Variants in ETV6 observed in about 807,000 individuals in gnomAD.
ETV6 encodes transcription factor ETV6.
Under a neutral mutation model 51.1 loss-of-function variants are expected in ETV6, and 16 were observed. That is an observed-to-expected ratio of 0.31 (90% confidence interval 0.21 to 0.48). The LOEUF (loss-of-function observed/expected upper bound fraction) is 0.48. ETV6 is among the 20% of genes least tolerant of loss of function. ETV6 has a pLI of 0.99. For synonymous variants in ETV6, 240 were observed against 224.1 expected, an observed-to-expected ratio of 1.07 and a Z score of -0.64; for missense variants, 458 against 594.8, an observed-to-expected ratio of 0.77 and a Z score of 2.39.
At chr12:11,792,649 T>A in intron 2 of ETV6, among the ~76,000 whole-genome samples, 1 of 150,928 alleles carries the variant, frequency 6.6e-6, no homozygotes, top group East Asian at 1.9e-4. Flanking sequence ...ATTGTGCCAC[T>A]GCACTTCAGC....
rs1946585961 is a variant in ETV6 at position 11,853,422 on chromosome 12, T to C, written c.329-5T>C. 6.2e-7 allele frequency: 1 copy of C among 1,614,062 alleles called. No individual in the cohort carries two copies. The highest frequency in any genetic ancestry group is 8.5e-7 in the Non-Finnish European group (1 of 1,180,008). On this transcript the variant is annotated splice_polypyrimidine_tract_variant and splice_region_variant and intron_variant, in intron 3 of 7. Coordinates refer to ENST00000396373, the MANE Select transcript of ETV6 (RefSeq NM_001987.5). Reference sequence around the variant, plus strand: ...TCTCGATTTCCCTTTCCTTTTTCTTTCCAGGTGATGTGCTCTATGAACTCC... The same window carrying C: ...TCTCGATTTCCCTTTCCTTTTTCTTCCCAGGTGATGTGCTCTATGAACTCC...
chr12:11,771,844 T>A (rs529569839), intron 2 of ETV6, among the ~76,000 whole-genome samples: 1 of 152,324 alleles, frequency 6.6e-6, no homozygotes, highest in African/African-American at 2.4e-5. Context: ...AGCAAAGAAC[T>A]ATATTGCAGT....
chr12:11,790,767 T>A (rs1591675660), intron 2 of ETV6, among the ~76,000 whole-genome samples: 1 of 146,100 alleles, frequency 6.8e-6, no homozygotes, highest in Non-Finnish European at 1.5e-5. Flanking sequence ...AACCTTCACC[T>A]CCTGGATTCA....
intron 2 of ETV6, among the ~76,000 whole-genome samples, chr12:11,792,297 G>A (rs1206960758): frequency 6.6e-6 from 1 of 152,164 alleles, no homozygotes; most frequent in Non-Finnish European, 1.5e-5. Flanking sequence ...TGCTCTCCCA[G>A]TGACAGACAT....
chr12:11,710,494 C>T (rs1420309068), intron 1 of ETV6, among the ~76,000 whole-genome samples: 2 of 152,176 alleles, frequency 1.3e-5, no homozygotes, highest in Non-Finnish European at 2.9e-5. Context: ...GTTCATTTTG[C>T]AGTGAGAAAA....
intron 2 of ETV6, among the ~76,000 whole-genome samples, chr12:11,811,031 TAAAAC>T (rs1591689908): frequency 6.6e-6 from 1 of 152,338 alleles, no homozygotes; most frequent in East Asian, 1.9e-4. Flanking sequence ...TGACATTTAT[TAAAAC>T]AAAGCCTCAA....
rs1947290908 is a variant in ETV6 at position 11,891,754 on chromosome 12, T to C, written c.*708T>C. The C allele has an allele frequency of 1.0e-5, 4 of 384,466 alleles. No individual in the cohort carries two copies. In the Admixed American group the frequency reaches 1.5e-4, roughly 14 times the overall value. 23.8% of individuals were successfully genotyped at this position (384,466 alleles called of 1,614,324 possible). On this transcript the variant is annotated 3_prime_UTR_variant, in exon 8 of 8. Transcript: ENST00000396373. The stretch of plus-strand genomic sequence containing the variant: ...TGACAGAGTTCAGCCTCTTGGAGAG[T>C]CTTGGGGATTGTTGGCACCTAAACA...
At chr12:11,701,896 T>C (rs938113598) in intron 1 of ETV6, among the ~76,000 whole-genome samples, 3 of 152,216 alleles carry the variant, frequency 2.0e-5, no homozygotes, top group African/African-American at 7.2e-5. Context: ...AAGGATGGTG[T>C]TCCACGAATG....
intron 2 of ETV6, among the ~76,000 whole-genome samples, chr12:11,817,001 T>C (rs895536727): frequency 1.2e-4 from 18 of 152,174 alleles, no homozygotes; most frequent in Non-Finnish European, 2.9e-5. Context: ...AAGCAATGCT[T>C]TCCAGCCCTT....
chr12:11,851,546 C>G (rs1331831063), intron 3 of ETV6, among the ~76,000 whole-genome samples: 1 of 152,206 alleles, frequency 6.6e-6, no homozygotes, highest in East Asian at 1.9e-4. Flanking sequence ...GTTCTCAGCT[C>G]TCAAATGCAG....
chr12:11,884,416 CA>C, intron 5 of ETV6, 28 bp from the exon 6 acceptor site: 1 of 1,612,882 alleles, frequency 6.2e-7, no homozygotes. Flanking sequence ...ACATTTTCAA[CA>C]GTGTTTTCTT....
rs1023020269 is a variant in ETV6, at chr12:11,815,328, C to G, written c.164-23812C>G. Among the ~76,000 whole-genome samples, 3 of 152,232 alleles carry G rather than the reference C, an allele frequency of 2.0e-5. No homozygotes were observed. In the East Asian group the frequency reaches 5.8e-4, roughly 29 times the overall value. The stretch of plus-strand genomic sequence containing the variant: ...AGGACTAAAACACAAGGTTCTAATT[C>G]CTTCTCCATGATTTCCTGATGCCCA... On this transcript the variant is annotated intron_variant, in intron 2 of 7. Transcript: ENST00000396373.
chr12:11,663,472 T>C (rs911104614), intron 1 of ETV6, among the ~76,000 whole-genome samples: 1 of 152,208 alleles, frequency 6.6e-6, no homozygotes, highest in Admixed American at 6.5e-5. Context: ...GCTCATGGGA[T>C]GATAAATTGC....
At chr12:11,782,417 C>G (rs1945426558) in intron 2 of ETV6, among the ~76,000 whole-genome samples, 2 of 152,128 alleles carry the variant, frequency 1.3e-5, no homozygotes, top group Admixed American at 1.3e-4. Flanking sequence ...CCTGGAAAGA[C>G]AGCTGAAACG....
At chr12:11,680,248 A>G (rs1346538079) in intron 1 of ETV6, among the ~76,000 whole-genome samples, 1 of 152,232 alleles carries the variant, frequency 6.6e-6, no homozygotes, top group Non-Finnish European at 1.5e-5. Context: ...TAAAAAGCTT[A>G]CACTTGTTGG....
chr12:11,850,991 A>G (rs1484995314), intron 3 of ETV6, among the ~76,000 whole-genome samples: 1 of 152,132 alleles, frequency 6.6e-6, no homozygotes, highest in Non-Finnish European at 1.5e-5. Flanking sequence ...TAACCCTCAT[A>G]GCAAATGCTG....
intron 4 of ETV6, among the ~76,000 whole-genome samples, chr12:11,867,832 A>G (rs1484353755): frequency 6.6e-6 from 1 of 152,240 alleles, no homozygotes; most frequent in African/African-American, 2.4e-5. Flanking sequence ...AGATGTGGCC[A>G]GAGAGAGTTC....
At chr12:11,658,146 C>T (rs1864035939) in intron 1 of ETV6, among the ~76,000 whole-genome samples, 2 of 152,216 alleles carry the variant, frequency 1.3e-5, no homozygotes, top group Admixed American at 6.5e-5. Flanking sequence ...TATACATCCT[C>T]CATAACACAT....
At chr12:11,810,425 C>T (rs1945896518) in intron 2 of ETV6, among the ~76,000 whole-genome samples, 1 of 152,182 alleles carries the variant, frequency 6.6e-6, no homozygotes. Flanking sequence ...CTGGGAGTGG[C>T]TTAGGTATGG....
Sources: gnomAD v4.1 joint callset for allele counts (sites outside exome capture counted in the v4.1 genomes callset) on GRCh38, gnomAD v4.1.1 for gene constraint, MANE v1.5 for transcripts, NCBI Gene and HGNC (gene_info 2026-07-23, HGNC 2026-07-21) for gene names.